Variants in CLNK observed in about 807,000 individuals in gnomAD.
CLNK encodes the protein cytokine dependent hematopoietic cell linker.
Under a neutral mutation model 68.6 loss-of-function variants are expected in CLNK, and 74 were observed. That is an observed-to-expected ratio of 1.08 (90% CI 0.89 to 1.31). CLNK has a LOEUF of 1.31. CLNK is among the 50% of genes most tolerant of loss of function. The pLI, the probability that CLNK is intolerant of heterozygous loss-of-function variation, is 0.00. For missense variants in CLNK, 553 were observed against 515.3 expected, an observed-to-expected ratio of 1.07 and a Z score of -0.71; for synonymous variants, 198 against 172.2, an observed-to-expected ratio of 1.15 and a Z score of -1.17.
intron 1 of CLNK, among the ~76,000 whole-genome samples, chr4:10,669,861 A>G (rs1353766074): frequency 6.6e-6 from 1 of 152,082 alleles, no homozygotes; most frequent in Non-Finnish European, 1.5e-5. Flanking sequence ...CAGTGTGTAG[A>G]GTGTCTAGTC....
At chr4:10,609,379 G>A (rs1419747898) in intron 2 of CLNK, among the ~76,000 whole-genome samples, 1 of 152,168 alleles carries the variant, frequency 6.6e-6, no homozygotes, top group East Asian at 1.9e-4. Context: ...AGTCCCTGGG[G>A]TCCACCTGGG....
intron 2 of CLNK, among the ~76,000 whole-genome samples, chr4:10,635,252 A>G (rs1723035977): frequency 1.3e-5 from 2 of 152,160 alleles, no homozygotes; most frequent in South Asian, 4.1e-4. Flanking sequence ...TGACTGCCCC[A>G]TTGTGACTGG....
At chr4:10,669,880 C>T (rs1577209688) in intron 1 of CLNK, among the ~76,000 whole-genome samples, 1 of 152,100 alleles carries the variant, frequency 6.6e-6, no homozygotes, top group Non-Finnish European at 1.5e-5. Context: ...TCCATGGTCT[C>T]ATTTGGAAGT....
intron 8 of CLNK, among the ~76,000 whole-genome samples, chr4:10,544,841 G>C (rs895147072): frequency 6.6e-6 from 1 of 152,132 alleles, no homozygotes; most frequent in Non-Finnish European, 1.5e-5. Flanking sequence ...TACTAAGACG[G>C]TGCAGGACAG....
the CLNK span, among the ~76,000 whole-genome samples, chr4:10,734,710 T>TA: frequency 6.6e-6 from 1 of 152,218 alleles, no homozygotes; most frequent in Non-Finnish European, 1.5e-5. Context: ...GGCCCCCTTG[T>TA]AAGGATCTTG....
At chr4:10,609,951 C>G (rs991776435) in intron 2 of CLNK, among the ~76,000 whole-genome samples, 1 of 151,502 alleles carries the variant, frequency 6.6e-6, no homozygotes, top group African/African-American at 2.4e-5. Flanking sequence ...TGAGGTGATC[C>G]GGGTCCCTTC....
At chr4:10,540,129 T>G (rs1718953775) in intron 11 of CLNK, among the ~76,000 whole-genome samples, 1 of 152,164 alleles carries the variant, frequency 6.6e-6, no homozygotes, top group Non-Finnish European at 1.5e-5. Context: ...ATGGAGCAGT[T>G]TCCCCTATGC....
chr4:10,726,653 A>C, the CLNK span, among the ~76,000 whole-genome samples: 2 of 152,226 alleles, frequency 1.3e-5, no homozygotes, highest in Non-Finnish European at 2.9e-5. Context: ...TTGTAGAATT[A>C]TTATTAATGA....
chr4:10,527,725 A>T (rs187260562), intron 13 of CLNK, among the ~76,000 whole-genome samples: 5 of 152,172 alleles, frequency 3.3e-5, no homozygotes, highest in African/African-American at 4.8e-5. Context: ...GTGTGTGTGC[A>T]TGGGTGACAT....
intron 1 of CLNK, among the ~76,000 whole-genome samples, chr4:10,672,360 A>C (rs1213156699): frequency 6.6e-6 from 1 of 152,196 alleles, no homozygotes; most frequent in African/African-American, 2.4e-5. Context: ...CTTTGGGACA[A>C]CTGTTTAACC....
chr4:10,655,454 T>C (rs2108885233), intron 2 of CLNK, among the ~76,000 whole-genome samples: 1 of 151,946 alleles, frequency 6.6e-6, no homozygotes. Flanking sequence ...GCTGAAGTGC[T>C]AGCTGGGGAA....
At chr4:10,600,020 A>C (rs1470237307) in intron 2 of CLNK, among the ~76,000 whole-genome samples, 1 of 152,122 alleles carries the variant, frequency 6.6e-6, no homozygotes, top group Non-Finnish European at 1.5e-5. Context: ...ATAAAACCCA[A>C]ACTCTTAACC....
chr4:10,573,409 G>T (rs1720424539), intron 4 of CLNK, among the ~76,000 whole-genome samples: 1 of 152,090 alleles, frequency 6.6e-6, no homozygotes, highest in South Asian at 2.1e-4. Flanking sequence ...CCCATCCTTG[G>T]GGTTGGATAG....
intron 1 of CLNK, among the ~76,000 whole-genome samples, chr4:10,669,504 T>C (rs6813206): frequency 0.13 from 20,071 of 152,132 alleles, 1,538 homozygotes; most frequent in South Asian, 0.17. Flanking sequence ...TTACAATGTA[T>C]ATTGTGCCAG....
chr4:10,545,777 G>T (rs1281379818), intron 8 of CLNK, among the ~76,000 whole-genome samples: 1 of 152,168 alleles, frequency 6.6e-6, no homozygotes, highest in Non-Finnish European at 1.5e-5. Flanking sequence ...TCTGGTTGGA[G>T]GTTGCTGAGC....
intron 2 of CLNK, among the ~76,000 whole-genome samples, chr4:10,607,930 G>A (rs1235861326): frequency 6.6e-6 from 1 of 152,198 alleles, no homozygotes; most frequent in East Asian, 1.9e-4. Context: ...GTTGTCCATG[G>A]TGGATAATCA....
chr4:10,525,863 CTT>C lies in CLNK; in HGVS notation c.707_708del (p.Gln236ArgfsTer7). 1 of 1,583,712 alleles carries C rather than the reference CTT, an allele frequency of 6.3e-7. No individual in the cohort carries two copies. Among genetic ancestry groups the C allele is most frequent in the Non-Finnish European group, 8.6e-7 (1 of 1,163,108 alleles). On this transcript the variant is annotated frameshift_variant, in exon 14 of 19. Coordinates refer to ENST00000226951, the MANE Select transcript of CLNK (RefSeq NM_052964.4). LOFTEE classifies it high-confidence loss of function. ...TACCTGCTAATGGCAAGTGGAATCT[CTT>C]GAGTATTTTGGTTTTCTAACAGATG... ...STHLLENQNTQEIPLAISSSS... is the reference protein window; with the variant it reads ...STHLLENQNTXEIPLAISSSS...
chr4:10,653,217 A>C (rs1454283256), intron 2 of CLNK, among the ~76,000 whole-genome samples: 2 of 152,114 alleles, frequency 1.3e-5, no homozygotes, highest in Non-Finnish European at 2.9e-5. Context: ...GGAGGGATAG[A>C]ATTAGGAGAA....
intron 2 of CLNK, among the ~76,000 whole-genome samples, chr4:10,641,280 T>C (rs1035519436): frequency 6.6e-6 from 1 of 152,134 alleles, no homozygotes; most frequent in African/African-American, 2.4e-5. Flanking sequence ...GTGGGAATGT[T>C]GTTACTGGGG....
Sources: allele counts gnomAD v4.1 joint callset (sites outside exome capture counted in the v4.1 genomes callset), GRCh38; gene constraint gnomAD v4.1.1; transcripts MANE v1.5; gene names NCBI Gene and HGNC (gene_info 2026-07-23, HGNC 2026-07-21).